CACNA2D3: variants seen among roughly 807,000 people sequenced by gnomAD.
CACNA2D3 encodes voltage-dependent calcium channel subunit alpha-2/delta-3.
In CACNA2D3, 60 loss-of-function variants were observed where a neutral mutation model predicts 160.6. That is an observed-to-expected ratio of 0.37 (90% confidence interval 0.30 to 0.46). The LOEUF (loss-of-function observed/expected upper bound fraction) is 0.46, where lower values mean the gene tolerates loss of function less well. CACNA2D3 is among the 20% of genes least tolerant of loss of function. The probability of loss-of-function intolerance (pLI) is 1.00; values close to 1 mark genes in which losing one functional copy is unlikely to be tolerated. For synonymous variants in CACNA2D3, 558 were observed against 492.9 expected (o/e 1.13, Z -1.75); for missense variants, 1,205 against 1,365.0 (o/e 0.88, Z 1.85).
chr3:54,149,091 G>A (rs1201433066), intron 2 of CACNA2D3, among the ~76,000 whole-genome samples: 2 of 151,948 alleles, frequency 1.3e-5, no homozygotes, highest in African/African-American at 4.8e-5. Context: ...TTTATGCCAC[G>A]ACAGTGAGAA....
At chr3:55,007,757 A>G in intron 32 of CACNA2D3, 33 bp from the exon 33 acceptor site, 2 of 1,465,936 alleles carry the variant, frequency 1.4e-6, no homozygotes, top group Non-Finnish European at 1.8e-6. Context: ...TGTGCACTAC[A>G]TTGTTTTTAA....
intron 14 of CACNA2D3, among the ~76,000 whole-genome samples, chr3:54,834,396 A>G (rs141494791): frequency 5.6e-4 from 85 of 152,312 alleles, no homozygotes; most frequent in African/African-American, 1.9e-3. Context: ...TTCTAATTCT[A>G]AGAGAACTAT....
chr3:54,758,462 C>T (rs1353300721), intron 12 of CACNA2D3, among the ~76,000 whole-genome samples: 3 of 152,124 alleles, frequency 2.0e-5, no homozygotes, highest in African/African-American at 7.2e-5. Context: ...AATATGGGTT[C>T]TTCTGCTCTC....
intron 2 of CACNA2D3, among the ~76,000 whole-genome samples, chr3:54,252,896 A>G (rs4996716): frequency 0.42 from 63,233 of 151,682 alleles, 13,284 homozygotes; most frequent in African/African-American, 0.46. Context: ...CACATAGTCC[A>G]TCTTTGCTTT....
At chr3:54,303,039 C>G (rs1192153879) in intron 2 of CACNA2D3, among the ~76,000 whole-genome samples, 1 of 152,108 alleles carries the variant, frequency 6.6e-6, no homozygotes, top group Non-Finnish European at 1.5e-5. Context: ...GTTGTGGTAA[C>G]AGCAGATCCT....
At chr3:55,039,419 A>G (rs1483265324) in intron 35 of CACNA2D3, among the ~76,000 whole-genome samples, 2 of 152,212 alleles carry the variant, frequency 1.3e-5, no homozygotes, top group African/African-American at 4.8e-5. Flanking sequence ...GAATTGTGAA[A>G]TGTTTTCTGT....
At chr3:54,738,007 G>C (rs1701568102) in intron 11 of CACNA2D3, among the ~76,000 whole-genome samples, 1 of 152,152 alleles carries the variant, frequency 6.6e-6, no homozygotes, top group Non-Finnish European at 1.5e-5. Context: ...AGCTCTCTCT[G>C]GGGCTGGATA....
intron 29 of CACNA2D3, among the ~76,000 whole-genome samples, chr3:54,983,756 A>T (rs990666047): frequency 1.3e-5 from 2 of 152,254 alleles, no homozygotes; most frequent in African/African-American, 4.8e-5. Context: ...GCTAGGCGGA[A>T]TTTAGCTCAG....
intron 8 of CACNA2D3, among the ~76,000 whole-genome samples, chr3:54,570,428 C>T (rs1417236089): frequency 6.6e-6 from 1 of 152,088 alleles, no homozygotes; most frequent in African/African-American, 2.4e-5. Context: ...GCAAGATTTT[C>T]ACCAAACCAC....
At chr3:54,564,783 T>C (rs1258119593) in intron 6 of CACNA2D3, among the ~76,000 whole-genome samples, 2 of 152,146 alleles carry the variant, frequency 1.3e-5, no homozygotes, top group Admixed American at 6.5e-5. Flanking sequence ...TGTGGGGACA[T>C]GCATTTGTCG....
intron 27 of CACNA2D3, among the ~76,000 whole-genome samples, chr3:54,907,651 A>G (rs1027529125): frequency 6.6e-6 from 1 of 152,178 alleles, no homozygotes; most frequent in Non-Finnish European, 1.5e-5. Flanking sequence ...GCATATCAGA[A>G]GATTATATTA....
intron 2 of CACNA2D3, among the ~76,000 whole-genome samples, chr3:54,141,681 A>G (rs1302930478): frequency 2.6e-5 from 4 of 152,220 alleles, no homozygotes; most frequent in Non-Finnish European, 5.9e-5. Flanking sequence ...AGGATGTCAA[A>G]ATACATCAAT....
chr3:54,322,216 C>T (rs1335089833), intron 3 of CACNA2D3, among the ~76,000 whole-genome samples: 1 of 152,242 alleles, frequency 6.6e-6, no homozygotes, highest in Non-Finnish European at 1.5e-5. Context: ...GTCAGTGAGA[C>T]ATGGGCTCTG....
chr3:54,880,723 A>T, intron 20 of CACNA2D3, 73 bp from the exon 21 acceptor site: 1 of 1,279,496 alleles, frequency 7.8e-7, no homozygotes. Flanking sequence ...ATGGAAAATT[A>T]AAAAATGTTA....
intron 27 of CACNA2D3, among the ~76,000 whole-genome samples, chr3:54,964,079 T>C (rs1032247558): frequency 6.6e-6 from 1 of 152,166 alleles, no homozygotes; most frequent in African/African-American, 2.4e-5. Flanking sequence ...GCAATTCTTA[T>C]AACAATAATT....
intron 2 of CACNA2D3, among the ~76,000 whole-genome samples, chr3:54,160,448 C>G (rs1216403804): frequency 6.6e-6 from 1 of 152,038 alleles, no homozygotes; most frequent in African/African-American, 2.4e-5. Flanking sequence ...TGCAGTGAGC[C>G]AAGATTGCGC....
chr3:55,044,323 T>A (rs1311469672), intron 35 of CACNA2D3, among the ~76,000 whole-genome samples: 2 of 152,192 alleles, frequency 1.3e-5, no homozygotes, highest in Admixed American at 1.3e-4. Context: ...TTTTCCAGTT[T>A]TTAAAACGTT....
chr3:54,394,388 ATACATGTGCCATGCT>A (rs1428446924), intron 4 of CACNA2D3, among the ~76,000 whole-genome samples: 28 of 148,804 alleles, frequency 1.9e-4, no homozygotes, highest in African/African-American at 6.8e-4. Flanking sequence ...TTACATATGT[ATACATGTGCCATGCT>A]GGTGCGCTGC....
chr3:54,724,952 A>G (rs1358623292), intron 11 of CACNA2D3, among the ~76,000 whole-genome samples: 3 of 152,142 alleles, frequency 2.0e-5, no homozygotes, highest in African/African-American at 7.2e-5. Context: ...CACGAAAAAC[A>G]CTTCAAAAAA....
Sources: allele counts gnomAD v4.1 joint callset (sites outside exome capture counted in the v4.1 genomes callset), GRCh38; gene constraint gnomAD v4.1.1; transcripts MANE v1.5; gene names NCBI Gene and HGNC (gene_info 2026-07-23, HGNC 2026-07-21).